PARD3: variants seen among roughly 807,000 people sequenced by gnomAD.
PARD3 encodes partitioning defective 3 homolog.
A neutral mutation model predicts 155.4 loss-of-function variants in PARD3; 75 were observed. The ratio of observed to expected loss-of-function variants is 0.48; its 90% confidence interval spans 0.40 to 0.58. The LOEUF is 0.58. Among genes scored for constraint, PARD3 ranks in the 20% least tolerant of loss-of-function variants. PARD3 has a pLI of 0.00. For synonymous variants in PARD3, 576 were observed against 610.5 expected (o/e 0.94, Z 0.83); for missense variants, 1,642 against 1,721.7 (o/e 0.95, Z 0.82).
At chr10:34,376,779 C>T (rs1180878077) in intron 10 of PARD3, among the ~76,000 whole-genome samples, 1 of 147,578 alleles carries the variant, frequency 6.8e-6, no homozygotes, top group African/African-American at 2.7e-5. Context: ...GAGATAGAAA[C>T]CATATATGAA....
chr10:34,325,031 A>G (rs1958604673), intron 19 of PARD3, among the ~76,000 whole-genome samples: 1 of 151,714 alleles, frequency 6.6e-6, no homozygotes, highest in African/African-American at 2.4e-5. Flanking sequence ...TTTTTTTGAG[A>G]TGGAGTTTTG....
chr10:34,159,241 G>A (rs916995772), intron 22 of PARD3, among the ~76,000 whole-genome samples: 1 of 152,210 alleles, frequency 6.6e-6, no homozygotes, highest in African/African-American at 2.4e-5. Flanking sequence ...ATTCGCTAAA[G>A]ACCTGGAGGA....
intron 1 of PARD3, among the ~76,000 whole-genome samples, chr10:34,771,462 T>A (rs1838851749): frequency 6.6e-6 from 1 of 152,220 alleles, no homozygotes; most frequent in Admixed American, 6.5e-5. Flanking sequence ...ACAGTTATTA[T>A]CACCATCATC....
At chr10:34,254,209 A>G (rs545473878) in intron 22 of PARD3, among the ~76,000 whole-genome samples, 55 of 152,112 alleles carry the variant, frequency 3.6e-4, no homozygotes, top group South Asian at 8.3e-4. Context: ...GCGAAACCCT[A>G]TCTCTACTAA....
At chr10:34,200,366 A>C (rs1366924167) in intron 22 of PARD3, among the ~76,000 whole-genome samples, 1 of 152,148 alleles carries the variant, frequency 6.6e-6, no homozygotes, top group African/African-American at 2.4e-5. Context: ...CAGTAAACTT[A>C]TTGGGGGATG....
chr10:34,701,175 C>T (rs2094268372), intron 1 of PARD3, among the ~76,000 whole-genome samples: 2 of 152,128 alleles, frequency 1.3e-5, no homozygotes, highest in African/African-American at 4.8e-5. Flanking sequence ...GGACCCTGAG[C>T]AGGGGGAAGG....
intron 18 of PARD3, among the ~76,000 whole-genome samples, chr10:34,335,455 T>C (rs1385823306): frequency 1.3e-5 from 2 of 151,998 alleles, no homozygotes; most frequent in African/African-American, 4.8e-5. Context: ...AATGGTCAAT[T>C]ATACAAAGCA....
chr10:34,560,340 C>T (rs921938344), intron 2 of PARD3, among the ~76,000 whole-genome samples: 10 of 152,034 alleles, frequency 6.6e-5, no homozygotes, highest in South Asian at 4.2e-4. Context: ...AGAACACCGC[C>T]GTGCAGAAAA....
chr10:34,803,829 T>C (rs537037167), intron 1 of PARD3, among the ~76,000 whole-genome samples: 1 of 152,046 alleles, frequency 6.6e-6, no homozygotes, highest in Non-Finnish European at 1.5e-5. Flanking sequence ...AAATAAAAAA[T>C]AACAATAATC....
chr10:34,380,376 G>C (rs1289562909), intron 9 of PARD3, among the ~76,000 whole-genome samples: 1 of 152,020 alleles, frequency 6.6e-6, no homozygotes, highest in African/African-American at 2.4e-5. Flanking sequence ...TCTCCTTTCA[G>C]TGATTAAGCA....
At chr10:34,464,274 G>C (rs1015045857) in intron 4 of PARD3, among the ~76,000 whole-genome samples, 3 of 152,072 alleles carry the variant, frequency 2.0e-5, no homozygotes, top group African/African-American at 7.2e-5. Flanking sequence ...CACCCATGTA[G>C]AACCTTTAAG....
At position 34,683,414 on chromosome 10, in the gene PARD3, G is replaced by A. The variant is rs138676771; in HGVS notation, c.222+12904C>T. ...TTTAAAACAAACAAACAAAAAACTC[G>A]TAAGATAGTTACTATGATTATACCC... On this transcript the variant is annotated intron_variant, in intron 2 of 24. Transcript: ENST00000374788. Among the ~76,000 whole-genome samples, 14 of 151,352 alleles carry A rather than the reference G, an allele frequency of 9.2e-5. No homozygotes were observed. The East Asian group carries it at 2.1e-3, about 23-fold the overall frequency.
At chr10:34,344,931 T>C in intron 15 of PARD3, 1 of 985,378 alleles carries the variant, frequency 1.0e-6, no homozygotes, top group East Asian at 1.1e-4. Flanking sequence ...CTCCCCGACA[T>C]ATAAGGTAAG....
chr10:34,249,355 T>C (rs1181388496), intron 22 of PARD3, among the ~76,000 whole-genome samples: 2 of 152,148 alleles, frequency 1.3e-5, no homozygotes, highest in Admixed American at 6.5e-5. Context: ...TTCCTTAACA[T>C]TTAGGAATTT....
intron 5 of PARD3, among the ~76,000 whole-genome samples, chr10:34,415,692 T>A (rs1845598574): frequency 6.6e-6 from 1 of 152,090 alleles, no homozygotes; most frequent in Admixed American, 6.5e-5. Flanking sequence ...CTCAGTGGGA[T>A]TAAGGAAAGG....
rs533555098 is a variant in PARD3, at chr10:34,425,481, G to A, written c.715-23564C>T. Among the ~76,000 whole-genome samples, 210 of 152,090 alleles carry A rather than the reference G, an allele frequency of 1.4e-3. 1 individual carries two copies. Among genetic ancestry groups the A allele is most frequent in the African/African-American group, 4.6e-3 (192 of 41,464 alleles). On this transcript the variant is annotated intron_variant, in intron 5 of 24. Coordinates refer to ENST00000374788, the MANE Select transcript of PARD3 (RefSeq NM_001184785.2). ...CACAATCATAGCTCACTGCAGCCTC[G>A]AACTCCTGGGCTCAAGGGATCCTCT...
chr10:34,307,303 G>A (rs2134062556), intron 20 of PARD3, among the ~76,000 whole-genome samples: 1 of 152,304 alleles, frequency 6.6e-6, no homozygotes, highest in South Asian at 2.1e-4. Flanking sequence ...ACTTGGGAGA[G>A]AAGTGGAGAT....
intron 1 of PARD3, among the ~76,000 whole-genome samples, chr10:34,777,185 C>G (rs1000756870): frequency 6.6e-6 from 1 of 151,876 alleles, no homozygotes; most frequent in Admixed American, 6.6e-5. Context: ...TGCTTTGGAA[C>G]CTTCGAAGAC....
chr10:34,228,256 T>C (rs1952729385), intron 22 of PARD3, among the ~76,000 whole-genome samples: 1 of 151,902 alleles, frequency 6.6e-6, no homozygotes, highest in Non-Finnish European at 1.5e-5. Flanking sequence ...CGGGGCTTAC[T>C]GGAGGGAGGA....
Sources: gnomAD v4.1 joint callset for allele counts (sites outside exome capture counted in the v4.1 genomes callset) on GRCh38, gnomAD v4.1.1 for gene constraint, MANE v1.5 for transcripts, NCBI Gene and HGNC (gene_info 2026-07-23, HGNC 2026-07-21) for gene names.